The following SAMD12 variants were observed in gnomAD, a reference collection of about 807,000 sequenced individuals.
SAMD12 encodes sterile alpha motif domain-containing protein 12.
SAMD12 carries 9 observed loss-of-function variants against 15.0 expected under a neutral mutation model. The ratio of observed to expected loss-of-function variants is 0.60; its 90% CI spans 0.36 to 1.05. The LOEUF is 1.05. Among genes scored for constraint, SAMD12 ranks in the 50% least tolerant of loss-of-function variants. The pLI is 0.01. For missense variants in SAMD12, 230 were observed against 234.2 expected, an observed-to-expected ratio of 0.98 and a Z score of 0.12; for synonymous variants, 86 against 90.1, an observed-to-expected ratio of 0.96 and a Z score of 0.25.
chr8:118,213,993 C>T (rs1041331536), intron 4 of SAMD12, among the ~76,000 whole-genome samples: 4 of 152,204 alleles, frequency 2.6e-5, no homozygotes, highest in African/African-American at 7.2e-5. Flanking sequence ...CCCATAAACA[C>T]ACAAGGTCTT....
chr8:118,226,743 G>A (rs1021834551), intron 4 of SAMD12, among the ~76,000 whole-genome samples: 5 of 152,206 alleles, frequency 3.3e-5, no homozygotes, highest in African/African-American at 1.2e-4. Flanking sequence ...AACTGAGATA[G>A]GAGCAAAGTT....
At position 118,557,796 on chromosome 8, in the gene SAMD12, CATT is replaced by C. The variant is rs559011221; in HGVS notation, c.192+22916_192+22918del. ...CCTGCCTCTAGAAATAAAATCCTAACATTGTTGTTTATAAATTTTAGCATGTTC... is the reference window on the plus strand; with the variant it reads ...CCTGCCTCTAGAAATAAAATCCTAACGTTGTTTATAAATTTTAGCATGTTC... On this transcript the variant is annotated intron_variant, in intron 2 of 3. Transcript: ENST00000314727. Among the ~76,000 whole-genome samples the C allele has an allele frequency of 1.6e-4, 24 of 152,284 alleles. No homozygotes were observed. In the South Asian group the frequency reaches 2.1e-3, roughly 13 times the overall value.
chr8:118,381,759 T>C (rs1310005483), intron 3 of SAMD12, among the ~76,000 whole-genome samples: 1 of 152,222 alleles, frequency 6.6e-6, no homozygotes, highest in African/African-American at 2.4e-5. Context: ...GACCCATTTT[T>C]GGACTTCTGA....
intron 4 of SAMD12, among the ~76,000 whole-genome samples, chr8:118,363,353 C>A (rs1185466908): frequency 6.6e-6 from 1 of 152,094 alleles, no homozygotes; most frequent in Non-Finnish European, 1.5e-5. Context: ...AGGCAGATTT[C>A]CCTCCCCATG....
chr8:118,414,758 G>T (rs945258567), intron 3 of SAMD12, among the ~76,000 whole-genome samples: 2 of 152,146 alleles, frequency 1.3e-5, no homozygotes, highest in African/African-American at 4.8e-5. Context: ...TATCCGCAAA[G>T]AATTTTCTAA....
intron 3 of SAMD12, among the ~76,000 whole-genome samples, chr8:118,431,008 T>C (rs1339583342): frequency 6.6e-6 from 1 of 152,184 alleles, no homozygotes; most frequent in African/African-American, 2.4e-5. Context: ...TTGAGGCCAT[T>C]TCATTTTATC....
chr8:118,191,701 C>A (rs902810219), exon 5 of SAMD12: 1 of 140,566 alleles, frequency 7.1e-6, no homozygotes, highest in East Asian at 2.2e-4. Flanking sequence ...GCAGGCAGTT[C>A]CCAACATTAA....
downstream of SAMD12, among the ~76,000 whole-genome samples, chr8:118,187,168 C>T (rs954083762): frequency 1.3e-5 from 2 of 152,196 alleles, no homozygotes; most frequent in African/African-American, 2.4e-5. Context: ...TGTGAAACAA[C>T]TATATACAAT....
the SAMD12 span, among the ~76,000 whole-genome samples, chr8:118,175,055 AAC>A: frequency 6.6e-6 from 1 of 151,494 alleles, no homozygotes; most frequent in Admixed American, 6.6e-5. Context: ...AAACAAAAAA[AAC>A]AAACAAAAAC....
chr8:118,378,743 A>T lies in SAMD12; in HGVS notation c.*674T>A. 2.0e-6 allele frequency: 2 copies of T among 984,694 alleles called. No individual in the cohort carries two copies. The highest frequency in any genetic ancestry group is 2.4e-6 in the Non-Finnish European group (2 of 829,254). 61.0% of individuals were successfully genotyped at this position (984,694 alleles called of 1,614,324 possible). ...CGCTAAAATAAAACAAATAAAGTTT[A>T]TAGCCAATGAAGGTTGATAGCATCC... On this transcript the variant is annotated 3_prime_UTR_variant, in exon 4 of 4. Transcript: ENST00000314727.
chr8:118,502,621 C>T (rs192967025), intron 2 of SAMD12, among the ~76,000 whole-genome samples: 6 of 152,292 alleles, frequency 3.9e-5, no homozygotes, highest in Admixed American at 3.3e-4. Flanking sequence ...ATTTTCATTA[C>T]ATTTTTCAAT....
the SAMD12 span, among the ~76,000 whole-genome samples, chr8:118,163,106 T>C: frequency 2.6e-4 from 39 of 152,258 alleles, no homozygotes; most frequent in African/African-American, 8.2e-4. Flanking sequence ...TAAAGATTCA[T>C]GGTCAATAAA....
At chr8:118,179,449 A>T in the SAMD12 span, among the ~76,000 whole-genome samples, 11 of 152,014 alleles carry the variant, frequency 7.2e-5, no homozygotes, top group Non-Finnish European at 1.5e-4. Context: ...GAAAAAAAAA[A>T]AAAAAAAAGA....
chr8:118,219,355 C>T (rs1812034445), intron 4 of SAMD12, among the ~76,000 whole-genome samples: 1 of 152,174 alleles, frequency 6.6e-6, no homozygotes, highest in Non-Finnish European at 1.5e-5. Context: ...TTATCAAATG[C>T]TTGATAAATA....
At position 118,341,345 on chromosome 8, in the gene SAMD12, T is replaced by C. The variant is rs901554654; in HGVS notation, c.433+38215A>G. On this transcript the variant is annotated intron_variant, in intron 4 of 4. Transcript: ENST00000409003. ...AGAGCAGTCACTAAGCCTTTCCAGA[T>C]CCAAGAGGAGCATACCTAGACCCCA... 3.3e-5 allele frequency among the ~76,000 whole-genome samples: 5 copies of C among 152,168 alleles called. No homozygotes were observed. The East Asian group carries it at 9.6e-4, about 29-fold the overall frequency.
At chr8:118,311,367 C>A (rs145146055) in intron 4 of SAMD12, among the ~76,000 whole-genome samples, 1 of 152,300 alleles carries the variant, frequency 6.6e-6, no homozygotes, top group African/African-American at 2.4e-5. Flanking sequence ...TAGAACACAG[C>A]CAAGCACATA....
rs375942611 is a variant in SAMD12, at chr8:118,420,297, G to A, written c.322+19535C>T. On this transcript the variant is annotated intron_variant, in intron 3 of 3. Transcript: ENST00000314727. ...CATGTGCCTCTGTGTGTGTTTGTGT[G>A]TGTATATATAGGAGGGTAGGAGGTA... 5.4e-3 allele frequency among the ~76,000 whole-genome samples: 820 copies of A among 152,288 alleles called. 17 individuals carry two copies. The highest frequency in any genetic ancestry group is 0.017 in the African/African-American group (719 of 41,554).
the SAMD12 span, among the ~76,000 whole-genome samples, chr8:118,139,450 C>T: frequency 2.6e-5 from 4 of 152,196 alleles, no homozygotes; most frequent in Non-Finnish European, 4.4e-5. Flanking sequence ...ACTCAAACTC[C>T]TAGCTTGAAG....
chr8:118,503,974 A>T (rs756534978), intron 2 of SAMD12, among the ~76,000 whole-genome samples: 10 of 152,116 alleles, frequency 6.6e-5, no homozygotes, highest in Admixed American at 1.3e-4. Flanking sequence ...CAAAGGCTAA[A>T]TTTTGTAATA....
Sources: allele counts gnomAD v4.1 joint callset (sites outside exome capture counted in the v4.1 genomes callset), GRCh38; gene constraint gnomAD v4.1.1; transcripts MANE v1.5; gene names NCBI Gene and HGNC (gene_info 2026-07-23, HGNC 2026-07-21).